The following APOBEC3G variants were observed in gnomAD, a reference collection of about 807,000 sequenced individuals.
The protein encoded by APOBEC3G is apolipoprotein B mRNA editing enzyme catalytic subunit 3G.
In APOBEC3G, 44 loss-of-function variants were observed where a neutral mutation model predicts 50.0. That is an observed-to-expected ratio of 0.88 (90% CI 0.69 to 1.13). The LOEUF (loss-of-function observed/expected upper bound fraction) is 1.13, where lower values mean the gene tolerates loss of function less well. Ranked by LOEUF, APOBEC3G falls within the 50% of genes most tolerant of loss-of-function variation. The pLI is 0.00. For synonymous variants in APOBEC3G, 156 were observed against 175.3 expected, an observed-to-expected ratio of 0.89 and a Z score of 0.87; for missense variants, 469 against 492.0, an observed-to-expected ratio of 0.95 and a Z score of 0.44.
In APOBEC3G at chr22:39,078,938, A is replaced by G. The variant is rs759940628; in HGVS notation, c.24A>G (p.Thr8=). The G allele has an allele frequency of 1.4e-5, 22 of 1,613,784 alleles. No individual in the cohort carries two copies. Among genetic ancestry groups the G allele is most frequent in the Non-Finnish European group, 1.9e-5 (22 of 1,179,758 alleles). ...TTCTCTCTTGTGTCTTCAGAAACAC[A>G]GTGGAGCGAATGTATCGAGACACAT... MKPHFRN[T]VERMYRDTFS... The change falls in exon 2 of 8, where the codon ACA becomes ACG. Residue 8 remains threonine (T), a synonymous_variant. Coordinates refer to ENST00000407997, the MANE Select transcript of APOBEC3G (RefSeq NM_021822.4).
intron 4 of APOBEC3G, 111 bp from the exon 5 acceptor site, chr22:39,083,620 C>A: frequency 1.5e-6 from 2 of 1,307,892 alleles, no homozygotes; most frequent in Non-Finnish European, 2.1e-6. Flanking sequence ...ATGTGGGGAG[C>A]CGGGGGAAGG....
chr22:39,081,951 C>T, intron 4 of APOBEC3G: 1 of 193,290 alleles, frequency 5.2e-6, no homozygotes, highest in Non-Finnish European at 1.1e-5. Context: ...ACAAGCCCGG[C>T]AGTCAGAAGC....
rs1356260538 is a variant in APOBEC3G, at chr22:39,083,736, C to T, written c.587C>T (p.Ser196Leu). ...GCTTTTCCCCCACTTTCCAGACACT[C>T]GATGGATCCACCCACATTCACTTTC... The part of the protein sequence containing the change: ...HIMLGEILRH[S>L]MDPPTFTFNF... The change falls in exon 5 of 8, where the codon TCG becomes TTG. Residue 196 changes from serine (S) to leucine (L), a missense_variant. Physicochemically the swap from Ser to Leu is moderately radical, Grantham distance 145. Transcript: ENST00000407997. 3 of 1,613,732 alleles carry T rather than the reference C, an allele frequency of 1.9e-6. No homozygotes were observed. Among genetic ancestry groups the T allele is most frequent in the Admixed American group, 1.7e-5 (1 of 59,988 alleles).
At position 39,079,134 on chromosome 22, in the gene APOBEC3G, G is replaced by T. The variant is rs576711542; in HGVS notation, c.171+49G>T. On this transcript the variant is annotated intron_variant, in intron 2 of 7. Coordinates refer to ENST00000407997, the MANE Select transcript of APOBEC3G (RefSeq NM_021822.4). ...TTGCAGGCAGGAGCTAAGCCAGCTG[G>T]GAAAGCAAACCACGCACTGATAAGT... 4.4e-6 allele frequency: 7 copies of T among 1,601,340 alleles called. No homozygotes were observed. The East Asian group carries it at 1.3e-4, about 31-fold the overall frequency.
In APOBEC3G at chr22:39,077,279, T is replaced by G. The variant is rs1928193854; in HGVS notation, c.-83T>G. 3 of 1,551,474 alleles carry G rather than the reference T, an allele frequency of 1.9e-6. No homozygotes were observed. The highest frequency in any genetic ancestry group is 1.4e-5 in the African/African-American group (1 of 72,952). On this transcript the variant is annotated 5_prime_UTR_variant, in exon 1 of 8. Transcript: ENST00000407997. ...CCTGGGAGGTCACTTTAGGGAGGGCTGTCCTAAAACCAGAAGCTTGGAGCA... is the reference window on the plus strand; with the variant it reads ...CCTGGGAGGTCACTTTAGGGAGGGCGGTCCTAAAACCAGAAGCTTGGAGCA...
chr22:39,086,546 A>C lies in APOBEC3G; in HGVS notation c.1003A>C (p.Ile335Leu). 1 of 1,608,216 alleles carries C rather than the reference A, an allele frequency of 6.2e-7. No homozygotes were observed. Among genetic ancestry groups the C allele is most frequent in the Non-Finnish European group, 8.5e-7 (1 of 1,176,338 alleles). ...LRTLAEAGAK[I>L]SIMTYSEFKH... ...CACCCTGGCCGAGGCTGGGGCCAAA[A>C]TTTCAATAATGACATACAGTGGTGA... The change falls in exon 6 of 8, where the codon ATT (isoleucine) becomes CTT (leucine). Residue 335 changes from isoleucine to leucine, a missense_variant. By Grantham distance (5) the Ile-to-Leu change is conservative. Transcript: ENST00000407997.
intron 4 of APOBEC3G, 116 bp downstream of exon 4, chr22:39,081,701 C>T (rs977089780): frequency 3.8e-6 from 3 of 786,716 alleles, no homozygotes; most frequent in Non-Finnish European, 6.2e-6. Context: ...CCTGCCTTCC[C>T]TCCTGCCCCC....
chr22:39,080,171 TG>T, intron 2 of APOBEC3G: 2 of 655,172 alleles, frequency 3.1e-6, no homozygotes, highest in Non-Finnish European at 3.9e-6. Context: ...GCAGGTCCAG[TG>T]GGCTCCCCAC....
chr22:39,084,212 C>G (rs994535601), intron 5 of APOBEC3G, among the ~76,000 whole-genome samples: 5 of 152,132 alleles, frequency 3.3e-5, no homozygotes, highest in Admixed American at 2.0e-4. Flanking sequence ...AGGGTCTGCA[C>G]CAGGGCCAAG....
rs779575301 is a variant in APOBEC3G, at chr22:39,086,429, G to A, written c.886G>A (p.Ala296Thr). 4 of 1,614,134 alleles carry A rather than the reference G, an allele frequency of 2.5e-6. No homozygotes were observed. The South Asian group carries it at 4.4e-5, about 18-fold the overall frequency. ...SPCFSCAQEM[A>T]KFISKNKHVS... ...CTGCTTCAGCTGTGCCCAGGAAATG[G>A]CTAAATTCATTTCAAAAAACAAACA... The change falls in exon 6 of 8, where the codon GCT (alanine) becomes ACT (threonine). Residue 296 changes from alanine (A) to threonine (T), a missense_variant. Transcript: ENST00000407997.
rs1396864066 is a variant in APOBEC3G, at chr22:39,087,505, G to C, written c.*84G>C. 6.2e-7 allele frequency: 1 copy of C among 1,611,328 alleles called. No individual in the cohort carries two copies. On this transcript the variant is annotated 3_prime_UTR_variant, in exon 8 of 8. Coordinates refer to ENST00000407997, the MANE Select transcript of APOBEC3G (RefSeq NM_021822.4). ...ATCTTCTTCCAAGAAATGCAAACAG[G>C]CTGTTCACCACCATCTCCAGCTGAT... is the stretch of plus-strand genomic sequence containing the variant.
chr22:39,083,517 C>T (rs528648401), intron 4 of APOBEC3G, among the ~76,000 whole-genome samples: 6 of 152,186 alleles, frequency 3.9e-5, no homozygotes, highest in Non-Finnish European at 8.8e-5. Context: ...CCAGGGCTGC[C>T]GTGATCTCCC....
At chr22:39,087,218 C>T (rs1189655189) in intron 7 of APOBEC3G, 92 bp downstream of exon 7, 3 of 1,606,560 alleles carry the variant, frequency 1.9e-6, no homozygotes, top group Non-Finnish European at 2.6e-6. Flanking sequence ...TCAGAGCCTC[C>T]TCTGGGTTCC....
At chr22:39,085,098 C>A (rs1421308334) in intron 5 of APOBEC3G, among the ~76,000 whole-genome samples, 1 of 152,180 alleles carries the variant, frequency 6.6e-6, no homozygotes, top group Non-Finnish European at 1.5e-5. Context: ...CCATTCTACC[C>A]CGAGTCCTCT....
Position 39,080,046 on chromosome 22 carries a change from A to G in APOBEC3G, c.172-887A>G, listed in dbSNP as rs551059245. ...GCAACAAGAGCGAAACTCCATCTCA[A>G]AAAAAAAAAAAGAAATGAGTGGTGT... On this transcript the variant is annotated intron_variant, in intron 2 of 7. Coordinates refer to ENST00000407997, the MANE Select transcript of APOBEC3G (RefSeq NM_021822.4). The G allele has an allele frequency of 8.5e-4, 139 of 162,820 alleles. 2 individuals carry two copies. In the South Asian group the frequency reaches 0.014, roughly 16 times the overall value. 10.1% of individuals were successfully genotyped at this position (162,820 alleles called of 1,614,324 possible).
chr22:39,079,315 C>CTT, intron 2 of APOBEC3G: 1 of 543,620 alleles, frequency 1.8e-6, no homozygotes, highest in Non-Finnish European at 3.0e-6. Flanking sequence ...CTTTTCTTTT[C>CTT]TTTTTTCTTT....
chr22:39,080,749 C>G (rs1198883945), intron 2 of APOBEC3G, 184 bp from the exon 3 acceptor site: 1 of 622,782 alleles, frequency 1.6e-6, no homozygotes, highest in Non-Finnish European at 2.8e-6. Context: ...ATTACCATAG[C>G]AATTAATACT....
Position 39,087,398 on chromosome 22 carries a change from C to G in APOBEC3G, c.1141-9C>G. 1.9e-6 allele frequency: 3 copies of G among 1,614,108 alleles called. No homozygotes were observed. Among genetic ancestry groups the G allele is most frequent in the Non-Finnish European group, 2.5e-6 (3 of 1,179,972 alleles). ...CCCTTTGCTCCATTCAACCTCCCTGCTCTTCCAGAATCAGGAAAACTGAAG... is the reference window on the plus strand; with the variant it reads ...CCCTTTGCTCCATTCAACCTCCCTGGTCTTCCAGAATCAGGAAAACTGAAG... On this transcript the variant is annotated splice_polypyrimidine_tract_variant and intron_variant, in intron 7 of 7. Coordinates refer to ENST00000407997, the MANE Select transcript of APOBEC3G (RefSeq NM_021822.4).
intron 4 of APOBEC3G, 161 bp downstream of exon 4, chr22:39,081,746 C>G: frequency 1.7e-6 from 1 of 600,364 alleles, no homozygotes; most frequent in Non-Finnish European, 2.9e-6. Context: ...CTCACCCACA[C>G]TCCTCGTGCT....
Sources: allele counts gnomAD v4.1 joint callset (sites outside exome capture counted in the v4.1 genomes callset), GRCh38; gene constraint gnomAD v4.1.1; transcripts MANE v1.5; gene names NCBI Gene and HGNC (gene_info 2026-07-23, HGNC 2026-07-21).